The following UGT2B28 variants were observed in gnomAD, a reference collection of about 807,000 sequenced individuals.
UGT2B28 encodes UDP-glucuronosyltransferase 2B28.
In UGT2B28, 45 loss-of-function variants were observed where a neutral mutation model predicts 43.6. The observed-to-expected ratio is 1.03, with a 90% CI of 0.81 to 1.32. UGT2B28 has a LOEUF of 1.32. UGT2B28 is among the 40% of genes most tolerant of loss of function. The pLI is 0.00. For missense variants in UGT2B28, 649 were observed against 625.5 expected, an observed-to-expected ratio of 1.04 and a Z score of -0.40; for synonymous variants, 204 against 208.1, an observed-to-expected ratio of 0.98 and a Z score of 0.17.
At chr4:69,286,503 T>C (rs1486223468) in intron 2 of UGT2B28, among the ~76,000 whole-genome samples, 4 of 140,378 alleles carry the variant, frequency 2.8e-5, no homozygotes, top group Non-Finnish European at 6.1e-5. Flanking sequence ...CCATTTCTTT[T>C]CTCCATTACA....
At chr4:69,289,895 A>G (rs1723899026) in intron 4 of UGT2B28, 143 bp downstream of exon 4, 3 of 912,080 alleles carry the variant, frequency 3.3e-6, no homozygotes, top group Non-Finnish European at 4.6e-6. Context: ...GTCCTAGGGG[A>G]AAAGAATATG....
intron 3 of UGT2B28, among the ~76,000 whole-genome samples, chr4:69,288,978 T>G (rs916059944): frequency 7.1e-6 from 1 of 140,908 alleles, no homozygotes; most frequent in Non-Finnish European, 1.5e-5. Flanking sequence ...ATTTTCTTCA[T>G]TCAGTCCATA....
At chr4:69,285,066 T>C (rs999763086) in intron 2 of UGT2B28, among the ~76,000 whole-genome samples, 1 of 139,486 alleles carries the variant, frequency 7.2e-6, no homozygotes, top group Non-Finnish European at 1.5e-5. Context: ...CAATGAAATA[T>C]TCAATTACAC....
intron 3 of UGT2B28, 21 bp downstream of exon 3, chr4:69,286,904 G>C: frequency 6.5e-7 from 1 of 1,548,890 alleles, no homozygotes; most frequent in East Asian, 2.3e-5. Context: ...GTGCCTTACT[G>C]GTGTGGAAAA....
chr4:69,282,691 G>A, intron 2 of UGT2B28, 29 bp downstream of exon 2: 1 of 1,536,204 alleles, frequency 6.5e-7, no homozygotes, highest in Non-Finnish European at 8.7e-7. Context: ...GTTTTATTTT[G>A]TTGGCTTCGA....
At chr4:69,288,094 G>C (rs1356316456) in intron 3 of UGT2B28, among the ~76,000 whole-genome samples, 1 of 137,532 alleles carries the variant, frequency 7.3e-6, no homozygotes, top group Non-Finnish European at 1.5e-5. Flanking sequence ...ACAATTTTGA[G>C]TTTATTCAAC....
chr4:69,295,020 A>C lies in UGT2B28; in HGVS notation c.*211A>C, dbSNP rs1178527999. ...AATATTCTGTGGCAATGAAGAAAAC[A>C]CTAGGGAAAATAAAAAATAATATAA... On this transcript the variant is annotated 3_prime_UTR_variant, in exon 6 of 6. Coordinates refer to ENST00000335568, the MANE Select transcript of UGT2B28 (RefSeq NM_053039.2). The C allele has an allele frequency of 1.1e-5, 6 of 534,342 alleles. No individual in the cohort carries two copies. The highest frequency in any genetic ancestry group is 1.6e-5 in the Non-Finnish European group (6 of 365,992). 33.1% of individuals were successfully genotyped at this position (534,342 alleles called of 1,614,324 possible).
chr4:69,285,540 C>T (rs1351801860), intron 2 of UGT2B28, among the ~76,000 whole-genome samples: 1 of 139,926 alleles, frequency 7.1e-6, no homozygotes, highest in East Asian at 2.1e-4. Context: ...CTAGAAGCCC[C>T]AGGTATTACG....
intron 5 of UGT2B28, among the ~76,000 whole-genome samples, chr4:69,293,765 A>C (rs1448106289): frequency 7.1e-6 from 1 of 140,656 alleles, no homozygotes; most frequent in Non-Finnish European, 1.5e-5. Flanking sequence ...CAGTGTCTTA[A>C]AATGTAGGGT....
chr4:69,280,569 T>C lies in UGT2B28; in HGVS notation c.69T>C (p.Cys23=). The C allele has an allele frequency of 6.4e-7, 1 of 1,560,628 alleles. No homozygotes were observed. Among genetic ancestry groups the C allele is most frequent in the Middle Eastern group, 1.7e-4 (1 of 5,850 alleles). ...HLGCYFSSGS[C]GKVLVWTGEY... ...GTTGTTACTTTAGCTCTGGGAGTTG[T>C]GGAAAGGTGCTGGTGTGGACCGGTG... Residue 23 remains cysteine, a synonymous_variant, in exon 1 of 6, where the codon TGT becomes TGC. Coordinates refer to ENST00000335568, the MANE Select transcript of UGT2B28 (RefSeq NM_053039.2).
rs138534337 is a variant in UGT2B28, at chr4:69,286,810, G to A, written c.929G>A (p.Gly310Glu). 5.1e-6 allele frequency: 8 copies of A among 1,555,578 alleles called. 2 individuals are homozygous for A. The African/African-American group carries it at 9.3e-5, about 18-fold the overall frequency. Residue 310 changes from glycine (G) to glutamate (E), a missense_variant, in exon 3 of 6, where the codon GGG (glycine) becomes GAG (glutamate). Gly to Glu is a moderately conservative substitution (Grantham distance 98). Transcript: ENST00000335568. Reference sequence around the variant, plus strand: ...AATGGTGTTGTGGTGTTTTCTCTGGGGTCAGTGATAAGTAACATGACAGCA... The same window carrying A: ...AATGGTGTTGTGGTGTTTTCTCTGGAGTCAGTGATAAGTAACATGACAGCA... The part of the protein sequence containing the change: ...GENGVVVFSL[G>E]SVISNMTAER...
chr4:69,290,452 G>T, intron 4 of UGT2B28, 140 bp from the exon 5 acceptor site: 1 of 1,161,334 alleles, frequency 8.6e-7, no homozygotes. Flanking sequence ...ACAAGTACGT[G>T]TTTATTCCTC....
chr4:69,281,247 T>G (rs780777438), intron 1 of UGT2B28, 26 bp downstream of exon 1: 1 of 1,470,196 alleles, frequency 6.8e-7, no homozygotes, highest in Non-Finnish European at 9.0e-7. Context: ...ATCGGGAACT[T>G]GAAGATCTAA....
rs112744799 is a variant in UGT2B28 at position 69,282,315 on chromosome 4, G to T, written c.722-199G>T. Among the ~76,000 whole-genome samples the T allele has an allele frequency of 0.21, 29,202 of 138,332 alleles. 6,739 individuals are homozygous for T. Among genetic ancestry groups the T allele is most frequent in the Middle Eastern group, 0.28 (73 of 258 alleles). The allele number at this position is 138,332 out of a possible 152,430, so 90.8% of individuals were successfully genotyped here. ...AACTTCATAATTCTCCCACCACTTT[G>T]CCTTTCTTATAAATAAACATGGACA... On this transcript the variant is annotated intron_variant, in intron 1 of 5. Transcript: ENST00000335568.
At chr4:69,293,626 C>G (rs1382654981) in intron 5 of UGT2B28, among the ~76,000 whole-genome samples, 1 of 138,928 alleles carries the variant, frequency 7.2e-6, no homozygotes, top group African/African-American at 2.8e-5. Context: ...AAAGAGTACT[C>G]CAAGAGCAGG....
In UGT2B28 at chr4:69,287,028, C is replaced by G; in HGVS notation, c.1002+145C>G. 4 of 1,373,538 alleles carry G rather than the reference C, an allele frequency of 2.9e-6. 1 individual carries two copies. The South Asian group carries it at 4.7e-5, about 16-fold the overall frequency. The allele number at this position is 1,373,538 out of a possible 1,614,324, so 85.1% of individuals were successfully genotyped here. On this transcript the variant is annotated intron_variant, in intron 3 of 5. Transcript: ENST00000335568. ...ATATCTTGTGTAGCTTCCACCGACACAAGTCATAGTTGTGCCTCAGACTTA... is the reference window on the plus strand; with the variant it reads ...ATATCTTGTGTAGCTTCCACCGACAGAAGTCATAGTTGTGCCTCAGACTTA...
At chr4:69,287,918 A>G (rs1723825462) in intron 3 of UGT2B28, among the ~76,000 whole-genome samples, 1 of 141,008 alleles carries the variant, frequency 7.1e-6, no homozygotes, top group African/African-American at 2.8e-5. Context: ...AATAAAAGTT[A>G]AACACTGTAA....
intron 2 of UGT2B28, among the ~76,000 whole-genome samples, chr4:69,285,750 A>C (rs1196850562): frequency 7.1e-6 from 1 of 141,212 alleles, no homozygotes; most frequent in Non-Finnish European, 1.5e-5. Flanking sequence ...TGGGGAACTC[A>C]AGTCAGAATA....
In UGT2B28 at chr4:69,289,726, A is replaced by G; in HGVS notation, c.1064A>G (p.Lys355Arg). The change falls in exon 4 of 6, where the codon AAG (lysine) becomes AGG (arginine). Residue 355 changes from lysine to arginine, a missense_variant. Transcript: ENST00000335568. ...DALGLNTRLY[K>R]WIPQNDLLGL... is the part of the protein sequence containing the mutation. Reference sequence around the variant, plus strand: ...TTAGGTCTCAATACTCGGCTGTATAAGTGGATACCCCAGAATGACCTTCTA... The same window carrying G: ...TTAGGTCTCAATACTCGGCTGTATAGGTGGATACCCCAGAATGACCTTCTA... 2 of 1,562,128 alleles carry G rather than the reference A, an allele frequency of 1.3e-6. 1 individual carries two copies. Among genetic ancestry groups the G allele is most frequent in the Non-Finnish European group, 1.7e-6 (2 of 1,157,584 alleles).
Sources: allele counts gnomAD v4.1 joint callset (sites outside exome capture counted in the v4.1 genomes callset), GRCh38; gene constraint gnomAD v4.1.1; transcripts MANE v1.5; gene names NCBI Gene and HGNC (gene_info 2026-07-23, HGNC 2026-07-21).